The following HMGCL variants were observed in gnomAD, a reference collection of about 807,000 sequenced individuals.
HMGCL encodes the protein 3-hydroxy-3-methylglutaryl-CoA lyase.
In HMGCL, 26 loss-of-function variants were observed where a neutral mutation model predicts 37.3. The observed-to-expected ratio is 0.70, with a 90% confidence interval of 0.51 to 0.97. The LOEUF (loss-of-function observed/expected upper bound fraction) is 0.97. HMGCL is among the 50% of genes least tolerant of loss of function. HMGCL has a pLI of 0.00. For synonymous variants in HMGCL, 151 were observed against 148.0 expected, an observed-to-expected ratio of 1.02 and a Z score of -0.15; for missense variants, 379 against 398.1, an observed-to-expected ratio of 0.95 and a Z score of 0.41.
chr1:23,807,621 A>G (rs376858512), intron 7 of HMGCL, among the ~76,000 whole-genome samples: 69 of 152,292 alleles, frequency 4.5e-4, no homozygotes, highest in African/African-American at 1.5e-3. Flanking sequence ...ACGGCATTAA[A>G]GCCTCTCCCT....
Position 23,808,163 on chromosome 1 carries a change from G to A in HMGCL, c.722C>T (p.Ala241Val), listed in dbSNP as rs1638446303. 6.2e-7 allele frequency: 1 copy of A among 1,614,018 alleles called. No homozygotes were observed. Among genetic ancestry groups the A allele is most frequent in the South Asian group, 1.1e-5 (1 of 91,084 alleles). Residue 241 changes from alanine to valine, a missense_variant, in exon 7 of 9, where the codon GCC (alanine) becomes GTC (valine). Physicochemically the swap from Ala to Val is moderately conservative, Grantham distance 64. Transcript: ENST00000374490. The stretch of plus-strand genomic sequence containing the variant: ...CAGGGCCATCAAGGTGTTGGCCAGG[G>A]CTTGACCATAGGTGTCATGGCAGTG... ...AVHCHDTYGQ[A>V]LANTLMALQM...
rs779036975 is a variant in HMGCL at position 23,816,661 on chromosome 1, A to C, written c.348+14T>G. On this transcript the variant is annotated intron_variant, in intron 4 of 8. Transcript: ENST00000374490. ...CTCATTTCAGGAGCCCCCACCAACA[A>C]GCTATCCTCTTACCGCTGCCTCGAA... 42 of 1,523,316 alleles carry C rather than the reference A, an allele frequency of 2.8e-5. No individual in the cohort carries two copies. The highest frequency in any genetic ancestry group is 3.6e-5 in the Non-Finnish European group (40 of 1,097,312). The allele number at this position is 1,523,316 out of a possible 1,614,324, so 94.4% of individuals were successfully genotyped here. A position where few individuals can be genotyped will look rare whatever the true frequency, so the allele number is the denominator to read the frequency against.
chr1:23,808,044 G>T, intron 7 of HMGCL, 91 bp downstream of exon 7: 2 of 1,202,014 alleles, frequency 1.7e-6, no homozygotes, highest in Non-Finnish European at 2.5e-6. Flanking sequence ...TGGCATACTG[G>T]CATCAGTAAA....
At position 23,804,515 on chromosome 1, in the gene HMGCL, C is replaced by T. The variant is rs770937867; in HGVS notation, c.761G>A (p.Ser254Asn). 6.2e-7 allele frequency: 1 copy of T among 1,614,194 alleles called. No homozygotes were observed. Among genetic ancestry groups the T allele is most frequent in the South Asian group, 1.1e-5 (1 of 91,088 alleles). ...NTLMALQMGVSVVDSSVAGLG... is the reference protein window; with the variant it reads ...NTLMALQMGVNVVDSSVAGLG... ...TCCTGCCACAGAAGAGTCCACGACA[C>T]TCACTCCCATCTAGAAACATAAGGA... The change falls in exon 8 of 9, where the codon AGT (serine) becomes AAT (asparagine). Residue 254 changes from serine to asparagine, a missense_variant. Ser to Asn is a conservative substitution (Grantham distance 46). Coordinates refer to ENST00000374490, the MANE Select transcript of HMGCL (RefSeq NM_000191.3).
Position 23,802,527 on chromosome 1 carries a change from A to G in HMGCL, c.914T>C (p.Phe305Ser). 2 of 1,614,094 alleles carry G rather than the reference A, an allele frequency of 1.2e-6. No individual in the cohort carries two copies. The highest frequency in any genetic ancestry group is 1.7e-6 in the Non-Finnish European group (2 of 1,179,960). The change falls in exon 9 of 9, where the codon TTT (phenylalanine) becomes TCT (serine). Residue 305 changes from phenylalanine (F) to serine (S), a missense_variant. Physicochemically the swap from Phe to Ser is radical, Grantham distance 155. Transcript: ENST00000374490. ...TTTTCTGTTCAGGGCTTGACAGATA[A>G]AGTTTCCAGCTTCCAGAAGCTTCTG... ...NLQKLLEAGN[F>S]ICQALNRKTS...
At chr1:23,820,393 C>G in intron 2 of HMGCL, 117 bp downstream of exon 2, 2 of 774,502 alleles carry the variant, frequency 2.6e-6, no homozygotes, top group South Asian at 2.8e-5. Context: ...TCTCCCCTAA[C>G]TTGTGCAGAG....
chr1:23,823,929 C>T (rs1322688549), intron 1 of HMGCL, among the ~76,000 whole-genome samples: 1 of 116,452 alleles, frequency 8.6e-6, no homozygotes, highest in Non-Finnish European at 1.8e-5. Context: ...GTAATCTTCC[C>T]GAGGTGACAT....
chr1:23,820,397 T>C, intron 2 of HMGCL, 113 bp downstream of exon 2: 2 of 783,794 alleles, frequency 2.6e-6, no homozygotes, highest in South Asian at 1.4e-5. Flanking sequence ...CCCTAACTTG[T>C]GCAGAGGAAT....
chr1:23,823,164 G>A lies in HMGCL; in HGVS notation c.60+2192C>T, dbSNP rs866487846. On this transcript the variant is annotated intron_variant, in intron 1 of 8. Transcript: ENST00000374490. ...GTACTCCAGCCTGGGGTACAAGAGC[G>A]AGACTTCTTCATCTCAAAAAAAAAA... Among the ~76,000 whole-genome samples, 32 of 122,972 alleles carry A rather than the reference G, an allele frequency of 2.6e-4. 1 individual carries two copies. The East Asian group carries it at 5.5e-3, about 21-fold the overall frequency. 80.7% of individuals were successfully genotyped at this position (122,972 alleles called of 152,430 possible). A position where few individuals can be genotyped will look rare whatever the true frequency, so the allele number is the denominator to read the frequency against.
chr1:23,814,121 A>T lies in HMGCL; in HGVS notation c.497+69T>A, dbSNP rs556358298. The T allele has an allele frequency of 6.4e-6, 10 of 1,560,850 alleles. No individual in the cohort carries two copies. The East Asian group carries it at 2.2e-4, about 35-fold the overall frequency. Reference sequence around the variant, plus strand: ...ATAAGAAGTTTGTGGCAGGAGGACCACTTGAGTCAGAGTCTAGCCCCATTC... The same window carrying T: ...ATAAGAAGTTTGTGGCAGGAGGACCTCTTGAGTCAGAGTCTAGCCCCATTC... On this transcript the variant is annotated intron_variant, in intron 5 of 8. Transcript: ENST00000374490.
intron 7 of HMGCL, chr1:23,807,197 G>C: frequency 1.9e-6 from 1 of 519,036 alleles, no homozygotes; most frequent in Non-Finnish European, 3.8e-6. Context: ...GCAAGGCATA[G>C]GAGAGGAAGT....
At chr1:23,805,999 T>C (rs1198307182) in intron 7 of HMGCL, among the ~76,000 whole-genome samples, 2 of 151,962 alleles carry the variant, frequency 1.3e-5, no homozygotes, top group Admixed American at 1.3e-4. Flanking sequence ...TGGAGTGCAC[T>C]GGCGCCATCT....
At position 23,808,220 on chromosome 1, in the gene HMGCL, A is replaced by G; in HGVS notation, c.665T>C (p.Met222Thr). The change falls in exon 7 of 9, where the codon ATG becomes ACG. Residue 222 changes from methionine to threonine, a missense_variant. Met to Thr is a moderately conservative substitution (Grantham distance 81, BLOSUM62 -1). Transcript: ENST00000374490. ...CAGGGCAGCCAGAGGCACTTCCTGCATGACAGCAGATAGCATGTCTTTCAT... is the reference window on the plus strand; with the variant it reads ...CAGGGCAGCCAGAGGCACTTCCTGCGTGACAGCAGATAGCATGTCTTTCAT... The part of the protein sequence containing the change: ...GIMKDMLSAV[M>T]QEVPLAALAV... The G allele has an allele frequency of 6.2e-7, 1 of 1,614,052 alleles. No individual in the cohort carries two copies. The highest frequency in any genetic ancestry group is 8.5e-7 in the Non-Finnish European group (1 of 1,179,950).
rs200098567 is a variant in HMGCL, at chr1:23,804,382, G to A, written c.876+18C>T. On this transcript the variant is annotated intron_variant, in intron 8 of 8. Transcript: ENST00000374490. ...GGTCAGTTCGGGGCTGTCGCCACCA[G>A]GGGGTGGGTGGGCTTACCGTGTGAA... 282 of 1,613,876 alleles carry A rather than the reference G, an allele frequency of 1.7e-4. 2 individuals are homozygous for A. Among genetic ancestry groups the A allele is most frequent in the Middle Eastern group, 1.6e-4 (1 of 6,082 alleles).
rs141160406 is a variant in HMGCL, at chr1:23,813,740, T to C, written c.497+450A>G. The C allele has an allele frequency of 6.5e-4, 139 of 215,038 alleles. 1 individual carries two copies. The East Asian group carries it at 0.014, about 22-fold the overall frequency. The allele number at this position is 215,038 out of a possible 1,614,324, so 13.3% of individuals were successfully genotyped here. ...TGCCTGGAACCACTGATATTAGAGATGTGATGTTGGAAACATAGAAGCCTA... is the reference window on the plus strand; with the variant it reads ...TGCCTGGAACCACTGATATTAGAGACGTGATGTTGGAAACATAGAAGCCTA... On this transcript the variant is annotated intron_variant, in intron 5 of 8. Coordinates refer to ENST00000374490, the MANE Select transcript of HMGCL (RefSeq NM_000191.3).
intron 7 of HMGCL, 80 bp from the exon 8 acceptor site, chr1:23,804,605 C>A (rs973455574): frequency 7.5e-6 from 11 of 1,469,508 alleles, no homozygotes; most frequent in Non-Finnish European, 8.5e-6. Flanking sequence ...ACCTCCCAAT[C>A]GTCTGTTGCC....
At chr1:23,811,190 C>G (rs1438151456) in intron 5 of HMGCL, among the ~76,000 whole-genome samples, 2 of 152,158 alleles carry the variant, frequency 1.3e-5, no homozygotes, top group Admixed American at 1.3e-4. Context: ...TGGGTAAAAC[C>G]AAACTCAGAA....
chr1:23,805,830 G>A (rs562302053), intron 7 of HMGCL, among the ~76,000 whole-genome samples: 22 of 152,218 alleles, frequency 1.4e-4, no homozygotes, highest in African/African-American at 4.1e-4. Context: ...GCTGAGATCC[G>A]GTCACGCACC....
At chr1:23,812,833 T>C (rs1237504069) in intron 5 of HMGCL, among the ~76,000 whole-genome samples, 1 of 152,178 alleles carries the variant, frequency 6.6e-6, no homozygotes, top group African/African-American at 2.4e-5. Context: ...ACTTGATTAG[T>C]CACTGAAAGC....
Sources: gnomAD v4.1 joint callset for allele counts (sites outside exome capture counted in the v4.1 genomes callset) on GRCh38, gnomAD v4.1.1 for gene constraint, MANE v1.5 for transcripts, NCBI Gene and HGNC (gene_info 2026-07-23, HGNC 2026-07-21) for gene names.